Variants in ELMO1 observed in about 807,000 individuals in gnomAD.
ELMO1 encodes engulfment and cell motility protein 1.
In ELMO1, 26 loss-of-function variants were observed where a neutral mutation model predicts 98.9. That is an observed-to-expected ratio of 0.26 (90% CI 0.19 to 0.36). The LOEUF (loss-of-function observed/expected upper bound fraction) is 0.36. ELMO1 is among the 10% of genes least tolerant of loss of function. ELMO1 has a pLI of 1.00. For missense variants in ELMO1, 627 were observed against 935.2 expected (o/e 0.67, Z 4.30); for synonymous variants, 346 against 346.0 (o/e 1.00, Z 0.00).
At chr7:37,076,784 C>T (rs776217753) in intron 15 of ELMO1, among the ~76,000 whole-genome samples, 1 of 152,216 alleles carries the variant, frequency 6.6e-6, no homozygotes, top group Admixed American at 6.5e-5. Context: ...TGAGGGTGCA[C>T]AACGCTCCAC....
chr7:37,322,427 C>A (rs1799567694), intron 2 of ELMO1, among the ~76,000 whole-genome samples: 1 of 151,948 alleles, frequency 6.6e-6, no homozygotes, highest in Non-Finnish European at 1.5e-5. Context: ...ACCAGCCTGG[C>A]CAACATGGTG....
intron 16 of ELMO1, among the ~76,000 whole-genome samples, chr7:36,959,704 TCTCA>T (rs1406305377): frequency 1.3e-5 from 2 of 152,128 alleles, no homozygotes; most frequent in African/African-American, 4.8e-5. Flanking sequence ...TGAGACGGAG[TCTCA>T]CTCACTCTGT....
rs146150392 is a variant in ELMO1 at position 37,325,045 on chromosome 7, A to G, written c.79-9085T>C. Among the ~76,000 whole-genome samples the G allele has an allele frequency of 2.7e-4, 41 of 152,340 alleles. 1 individual carries two copies. In the East Asian group the frequency reaches 7.1e-3, roughly 26 times the overall value. ...CACCTGGTACATAGTAGGGCATTAC[A>G]TAACGTTATCTACAGATAGCTTCTT... On this transcript the variant is annotated intron_variant, in intron 2 of 21. Transcript: ENST00000310758.
At chr7:37,125,118 C>A in intron 14 of ELMO1, among the ~76,000 whole-genome samples, 1 of 152,058 alleles carries the variant, frequency 6.6e-6, no homozygotes, top group Non-Finnish European at 1.5e-5. Flanking sequence ...TTCCTTACAC[C>A]TTATACAAAA....
intron 2 of ELMO1, among the ~76,000 whole-genome samples, chr7:37,330,996 G>A (rs1800072278): frequency 6.6e-6 from 1 of 152,154 alleles, no homozygotes; most frequent in South Asian, 2.1e-4. Flanking sequence ...GGACAAAGGG[G>A]TGCTGCAAGT....
chr7:37,333,400 C>G (rs1352347385), intron 2 of ELMO1, among the ~76,000 whole-genome samples: 1 of 152,178 alleles, frequency 6.6e-6, no homozygotes, highest in East Asian at 1.9e-4. Flanking sequence ...GTTGCCCGAA[C>G]TTCTCAGAGT....
At chr7:37,130,476 T>G (rs1306603465) in intron 14 of ELMO1, among the ~76,000 whole-genome samples, 1 of 152,094 alleles carries the variant, frequency 6.6e-6, no homozygotes, top group Non-Finnish European at 1.5e-5. Context: ...GACAGATCAC[T>G]GGCTGCTGGG....
intron 1 of ELMO1, among the ~76,000 whole-genome samples, chr7:37,401,010 T>C (rs1360026490): frequency 6.6e-6 from 1 of 152,156 alleles, no homozygotes; most frequent in Non-Finnish European, 1.5e-5. Context: ...GACATCCGCC[T>C]GACTGAATGC....
At chr7:37,271,089 A>T (rs1796535768) in intron 5 of ELMO1, 1 of 151,968 alleles carries the variant, frequency 6.6e-6, no homozygotes, top group Non-Finnish European at 1.5e-5. Context: ...ACAGGCGTCC[A>T]CCACCACGCC....
intron 13 of ELMO1, among the ~76,000 whole-genome samples, chr7:37,141,318 G>A (rs1787625306): frequency 6.6e-6 from 1 of 152,180 alleles, no homozygotes; most frequent in African/African-American, 2.4e-5. Flanking sequence ...TCTCACTCAT[G>A]TGGGAGCTAA....
intron 1 of ELMO1, among the ~76,000 whole-genome samples, chr7:37,343,494 T>G (rs1003651900): frequency 7.0e-6 from 1 of 143,724 alleles, no homozygotes; most frequent in East Asian, 2.0e-4. Context: ...TTTCTTTTTT[T>G]TTTTTTTTTT....
intron 15 of ELMO1, among the ~76,000 whole-genome samples, chr7:37,019,348 T>G (rs913186326): frequency 6.6e-6 from 1 of 152,248 alleles, no homozygotes; most frequent in African/African-American, 2.4e-5. Context: ...ACTTGGTTCT[T>G]GACAGGTAAC....
chr7:37,250,666 C>A (rs1795293781), intron 6 of ELMO1, among the ~76,000 whole-genome samples: 1 of 151,984 alleles, frequency 6.6e-6, no homozygotes, highest in Admixed American at 6.6e-5. Context: ...GTGGCAGGTG[C>A]CTGTAGTCCC....
chr7:37,342,832 C>T lies in ELMO1; in HGVS notation c.-73-69G>A. 2 of 741,380 alleles carry T rather than the reference C, an allele frequency of 2.7e-6. No individual in the cohort carries two copies. The highest frequency in any genetic ancestry group is 4.3e-6 in the Non-Finnish European group (2 of 464,680). The allele number at this position is 741,380 out of a possible 1,614,324, so 45.9% of individuals were successfully genotyped here. A position where few individuals can be genotyped will look rare whatever the true frequency, so the allele number is the denominator to read the frequency against. On this transcript the variant is annotated intron_variant, in intron 1 of 21. Coordinates refer to ENST00000310758, the MANE Select transcript of ELMO1 (RefSeq NM_014800.11). The surrounding 1 kb of genome is among the most constrained non-coding windows in gnomAD (Gnocchi z 4.3). The stretch of plus-strand genomic sequence containing the variant: ...AGATGCAGGGTGAATTTTGCTTCAT[C>T]ACTTCCTGTTTTCACTGGTGGTTTG...
At position 37,258,245 on chromosome 7, in the gene ELMO1, C is replaced by T. The variant is rs141868482; in HGVS notation, c.413+936G>A. Among the ~76,000 whole-genome samples the T allele has an allele frequency of 7.4e-3, 1,123 of 151,164 alleles. 28 individuals are homozygous for T. The highest frequency in any genetic ancestry group is 0.051 in the East Asian group (262 of 5,124). ...ATCGTCCCACTACACTCCAGCCTGG[C>T]GACAGAGTGAGACTCCATCTACCAA... On this transcript the variant is annotated intron_variant, in intron 6 of 21. Coordinates refer to ENST00000310758, the MANE Select transcript of ELMO1 (RefSeq NM_014800.11).
intron 13 of ELMO1, among the ~76,000 whole-genome samples, chr7:37,154,707 G>A (rs1254626265): frequency 2.0e-5 from 3 of 152,204 alleles, no homozygotes; most frequent in East Asian, 1.9e-4. Flanking sequence ...TGCAAATGAC[G>A]GGGAGAATGG....
At chr7:37,002,794 T>C (rs1792773951) in intron 16 of ELMO1, among the ~76,000 whole-genome samples, 1 of 152,220 alleles carries the variant, frequency 6.6e-6, no homozygotes, top group South Asian at 2.1e-4. Flanking sequence ...GAGTACCTTC[T>C]AGATCCTAGG....
intron 4 of ELMO1, among the ~76,000 whole-genome samples, chr7:37,310,634 GT>G (rs1159359706): frequency 6.6e-6 from 1 of 152,170 alleles, no homozygotes; most frequent in Non-Finnish European, 1.5e-5. Context: ...TGTATTTATT[GT>G]TTTTGAGGCA....
chr7:36,985,260 TAG>T (rs1697938062), intron 16 of ELMO1: 1 of 273,944 alleles, frequency 3.7e-6, no homozygotes, highest in African/African-American at 2.3e-5. Context: ...GGATGCAAAA[TAG>T]AGTCATTTTG....
Sources: allele counts gnomAD v4.1 joint callset (sites outside exome capture counted in the v4.1 genomes callset), GRCh38; gene constraint gnomAD v4.1.1; non-coding constraint Gnocchi (gnomAD v3.1); transcripts MANE v1.5; gene names NCBI Gene and HGNC (gene_info 2026-07-23, HGNC 2026-07-21).